CCAR1: variants seen among roughly 807,000 people sequenced by gnomAD.
The protein encoded by CCAR1 is cell division cycle and apoptosis regulator 1.
A neutral mutation model predicts 163.8 loss-of-function variants in CCAR1; 78 were observed. The observed-to-expected ratio is 0.48, with a 90% CI of 0.40 to 0.57. CCAR1 has a LOEUF of 0.57. Among genes scored for constraint, CCAR1 ranks in the 20% least tolerant of loss-of-function variants. The pLI, the probability that CCAR1 is intolerant of heterozygous loss-of-function variation, is 0.00. For missense variants in CCAR1, 1,019 were observed against 1,365.2 expected (o/e 0.75, Z 4.00); for synonymous variants, 443 against 460.7 (o/e 0.96, Z 0.49).
intron 2 of CCAR1, among the ~76,000 whole-genome samples, chr10:68,735,077 G>A (rs2056091274): frequency 6.6e-6 from 1 of 152,110 alleles, no homozygotes; most frequent in Non-Finnish European, 1.5e-5. Flanking sequence ...GCCAGTTGTG[G>A]TGGCTCACAC....
intron 2 of CCAR1, among the ~76,000 whole-genome samples, chr10:68,724,527 C>T (rs762218038): frequency 2.0e-5 from 3 of 152,002 alleles, no homozygotes; most frequent in Middle Eastern, 3.2e-3. Flanking sequence ...TGGGCTCACG[C>T]GATCCTCCCA....
Position 68,747,518 on chromosome 10 carries a change from C to T in CCAR1, c.778C>T (p.Leu260=). Residue 260 remains leucine (L), a synonymous_variant, in exon 8 of 25, where the codon CTA becomes TTA. Coordinates refer to ENST00000265872, the MANE Select transcript of CCAR1 (RefSeq NM_018237.4). ...GATTTCAGCAGCTTCTATTACACCA[C>T]TATTGCAGACTCAACCACAGCCCTT... ...AQISAASITP[L]LQTQPQPLLQ... The T allele has an allele frequency of 6.2e-7, 1 of 1,614,142 alleles. No homozygotes were observed. Among genetic ancestry groups the T allele is most frequent in the Admixed American group, 1.7e-5 (1 of 60,014 alleles).
At chr10:68,773,597 C>T (rs927113228) in intron 19 of CCAR1, among the ~76,000 whole-genome samples, 5 of 151,172 alleles carry the variant, frequency 3.3e-5, no homozygotes, top group African/African-American at 4.9e-5. Context: ...GCATGGGAGG[C>T]GGAGGTTGTG....
At position 68,784,446 on chromosome 10, in the gene CCAR1, T is replaced by C. The variant is rs190028261; in HGVS notation, c.2651-1690T>C. 2.8e-3 allele frequency among the ~76,000 whole-genome samples: 421 copies of C among 152,030 alleles called. 3 individuals carry two copies. The highest frequency in any genetic ancestry group is 9.5e-3 in the African/African-American group (393 of 41,490). Reference sequence around the variant, plus strand: ...CAGGCTGGTCTCAAACTCCTGACCTTAAGTGATCCATCTGCCTCGGGCTGC... The same window carrying C: ...CAGGCTGGTCTCAAACTCCTGACCTCAAGTGATCCATCTGCCTCGGGCTGC... On this transcript the variant is annotated intron_variant, in intron 19 of 24. Coordinates refer to ENST00000265872, the MANE Select transcript of CCAR1 (RefSeq NM_018237.4).
intron 18 of CCAR1, among the ~76,000 whole-genome samples, chr10:68,772,548 T>A (rs969720650): frequency 1.3e-5 from 2 of 152,106 alleles, no homozygotes; most frequent in African/African-American, 4.8e-5. Flanking sequence ...GTGGATTTAC[T>A]ATTTTTCAGT....
Position 68,771,297 on chromosome 10 carries a change from A to T in CCAR1, c.2390A>T (p.Glu797Val). 1 of 1,607,736 alleles carries T rather than the reference A, an allele frequency of 6.2e-7. No individual in the cohort carries two copies. Among genetic ancestry groups the T allele is most frequent in the Non-Finnish European group, 8.5e-7 (1 of 1,176,342 alleles). The change falls in exon 18 of 25, where the codon GAG (glutamate) becomes GTG (valine). Residue 797 changes from glutamate (E) to valine (V), a missense_variant. Physicochemically the swap from Glu to Val is moderately radical, Grantham distance 121. This residue lies in a region of CCAR1 where 358 missense variants were observed against 406.4 expected (regional missense o/e 0.88). Transcript: ENST00000265872. ...TCATTACTGTCTCTTCCTGAGAAAG[A>T]GGACAAAAAAGAAAAGGATAAAAAA... ...YKSLLSLPEK[E>V]DKKEKDKKSK...
chr10:68,722,981 G>GT (rs1564524922), intron 2 of CCAR1, among the ~76,000 whole-genome samples: 1 of 151,782 alleles, frequency 6.6e-6, no homozygotes, highest in African/African-American at 2.4e-5. Flanking sequence ...ATTGTAAAGT[G>GT]TTTGCAAATT....
chr10:68,760,571 A>C (rs532611768), intron 15 of CCAR1, among the ~76,000 whole-genome samples: 4 of 152,310 alleles, frequency 2.6e-5, no homozygotes, highest in African/African-American at 9.6e-5. Context: ...CCACATTTTT[A>C]AAAAGTCACA....
In CCAR1 at chr10:68,721,278, C is replaced by G; in HGVS notation, c.-55C>G. ...GGCTTCGATGTTAGCCGGGACCCGACTCAGGTGAAGGTCTGGTCCCCGTAG... is the reference window on the plus strand; with the variant it reads ...GGCTTCGATGTTAGCCGGGACCCGAGTCAGGTGAAGGTCTGGTCCCCGTAG... On this transcript the variant is annotated 5_prime_UTR_variant, in exon 1 of 25. Transcript: ENST00000265872. The G allele has an allele frequency of 5.6e-6, 1 of 178,888 alleles. No homozygotes were observed. Among genetic ancestry groups the G allele is most frequent in the South Asian group, 7.3e-5 (1 of 13,620 alleles). The allele number at this position is 178,888 out of a possible 1,614,324, so 11.1% of individuals were successfully genotyped here. A position where few individuals can be genotyped will look rare whatever the true frequency, so the allele number is the denominator to read the frequency against.
At chr10:68,773,766 C>T (rs2056630240) in intron 19 of CCAR1, among the ~76,000 whole-genome samples, 2 of 152,114 alleles carry the variant, frequency 1.3e-5, no homozygotes, top group South Asian at 4.1e-4. Flanking sequence ...GGCTGGAGTA[C>T]TGTGGCATGC....
intron 2 of CCAR1, 40 bp downstream of exon 2, chr10:68,722,617 G>C (rs375599265): frequency 1.3e-6 from 2 of 1,503,526 alleles, no homozygotes; most frequent in Non-Finnish European, 1.9e-6. Flanking sequence ...TGTTTGTGGG[G>C]GACTTGTTAA....
chr10:68,775,151 C>T (rs536529653), intron 19 of CCAR1: 5 of 200,848 alleles, frequency 2.5e-5, no homozygotes, highest in African/African-American at 7.2e-5. Flanking sequence ...TTTTTGTAAC[C>T]CAGTTTAACA....
intron 18 of CCAR1, among the ~76,000 whole-genome samples, 156 bp downstream of exon 18, chr10:68,771,601 G>C (rs886260932): frequency 2.6e-5 from 4 of 152,024 alleles, no homozygotes; most frequent in African/African-American, 9.7e-5. Context: ...AGCTAACACA[G>C]TGAAACCTCG....
intron 2 of CCAR1, among the ~76,000 whole-genome samples, chr10:68,724,146 A>C: frequency 8.4e-6 from 1 of 119,500 alleles, no homozygotes. Flanking sequence ...CAACAAGAGC[A>C]AAACTCTGTC....
At chr10:68,762,527 C>T (rs530080118) in intron 16 of CCAR1, among the ~76,000 whole-genome samples, 3 of 152,218 alleles carry the variant, frequency 2.0e-5, no homozygotes, top group East Asian at 1.9e-4. Flanking sequence ...GAATAACTCC[C>T]GGATGCATAA....
In CCAR1 at chr10:68,765,420, C is replaced by G. The variant is rs112027897; in HGVS notation, c.2107-468C>G. ...TCTTTGGACACATTCATCAGTAACACATGGGTCTTTTGGCCTTTTCCCACC... is the reference window on the plus strand; with the variant it reads ...TCTTTGGACACATTCATCAGTAACAGATGGGTCTTTTGGCCTTTTCCCACC... On this transcript the variant is annotated intron_variant, in intron 16 of 24. Coordinates refer to ENST00000265872, the MANE Select transcript of CCAR1 (RefSeq NM_018237.4). Among the ~76,000 whole-genome samples the G allele has an allele frequency of 8.1e-3, 1,231 of 152,278 alleles. 7 individuals carry two copies. Among genetic ancestry groups the G allele is most frequent in the Non-Finnish European group, 9.4e-3 (642 of 68,026 alleles).
intron 17 of CCAR1, among the ~76,000 whole-genome samples, chr10:68,768,597 C>G (rs201966489): frequency 6.6e-6 from 1 of 151,970 alleles, no homozygotes; most frequent in East Asian, 1.9e-4. Flanking sequence ...GGCAACAGAG[C>G]GAGACTTTGT....
intron 19 of CCAR1, among the ~76,000 whole-genome samples, chr10:68,782,035 A>C (rs924227597): frequency 1.3e-5 from 2 of 152,160 alleles, no homozygotes; most frequent in African/African-American, 4.8e-5. Context: ...AAGGAAACTC[A>C]AAGTGCTACT....
chr10:68,789,965 C>G (rs2056835688), intron 24 of CCAR1, 50 bp downstream of exon 24: 1 of 1,195,142 alleles, frequency 8.4e-7, no homozygotes, highest in Non-Finnish European at 1.2e-6. Flanking sequence ...AAATCTAACT[C>G]TGGTGTTTTT....
Sources: gnomAD v4.1 joint callset for allele counts (sites outside exome capture counted in the v4.1 genomes callset) on GRCh38, gnomAD v4.1.1 for gene constraint, gnomAD v4.1.1 regional missense constraint, MANE v1.5 for transcripts, NCBI Gene and HGNC (gene_info 2026-07-23, HGNC 2026-07-21) for gene names.